Variants in UGP2 observed in about 807,000 individuals in gnomAD.
UGP2 encodes UDP-glucose pyrophosphorylase 2, also known as UTP--glucose-1-phosphate uridylyltransferase.
In UGP2, 40 loss-of-function variants were observed where a neutral mutation model predicts 49.0. That is an observed-to-expected ratio of 0.82 (90% CI 0.63 to 1.06). UGP2 has a LOEUF of 1.06. Ranked by LOEUF, UGP2 falls within the 50% of genes least tolerant of loss-of-function variation. The pLI is 0.00. For synonymous variants in UGP2, 225 were observed against 213.0 expected, an observed-to-expected ratio of 1.06 and a Z score of -0.49; for missense variants, 460 against 603.5, an observed-to-expected ratio of 0.76 and a Z score of 2.49.
At chr2:63,887,693 TATAAAG>T (rs753023463) in intron 8 of UGP2, 49 bp downstream of exon 8, 50 of 1,598,792 alleles carry the variant, frequency 3.1e-5, no homozygotes, top group Non-Finnish European at 3.3e-5. Context: ...AATGTGTAAT[TATAAAG>T]ATATGATATA....
At position 63,842,647 on chromosome 2, in the gene UGP2, T is replaced by A. The variant is rs534905029; in HGVS notation, c.19+443T>A. 20 of 1,411,794 alleles carry A rather than the reference T, an allele frequency of 1.4e-5. No homozygotes were observed. In the African/African-American group the frequency reaches 2.6e-4, roughly 18 times the overall value. 87.5% of individuals were successfully genotyped at this position (1,411,794 alleles called of 1,614,324 possible). A position where few individuals can be genotyped will look rare whatever the true frequency, so the allele number is the denominator to read the frequency against. On this transcript the variant is annotated intron_variant, in intron 1 of 9. Transcript: ENST00000337130. ...GGGAAGCTTTAGTGTTCTCCGCTTC[T>A]ACTTCGTTTGTGTGTACGTGGTTTG...
chr2:63,856,674 G>C, intron 2 of UGP2: 1 of 530,440 alleles, frequency 1.9e-6, no homozygotes, highest in Non-Finnish European at 3.5e-6. Flanking sequence ...AAAATAATCA[G>C]AACCAAATTA....
chr2:63,847,671 G>A (rs1239649444), intron 1 of UGP2, among the ~76,000 whole-genome samples: 1 of 152,172 alleles, frequency 6.6e-6, no homozygotes, highest in Non-Finnish European at 1.5e-5. Flanking sequence ...GGGGTCACAA[G>A]GTGCTCAGTT....
chr2:63,881,601 G>A (rs1039228311), intron 3 of UGP2, among the ~76,000 whole-genome samples: 21 of 152,338 alleles, frequency 1.4e-4, no homozygotes, highest in Middle Eastern at 3.4e-3. Context: ...CTTACTGTAA[G>A]ATGTTTAGAC....
chr2:63,855,520 G>GTTTTTTTTTTTTTTTTTTTTTTCTTTTTT, intron 1 of UGP2: 3 of 192,240 alleles, frequency 1.6e-5, no homozygotes, highest in Non-Finnish European at 2.0e-5. Context: ...TTCTTTTTCT[G>GTTTTTTTTTTTTTTTTTTTTTTCTTTTTT]TTTTTTTTTT....
At chr2:63,852,529 A>G (rs974019700) in intron 1 of UGP2, among the ~76,000 whole-genome samples, 1 of 152,274 alleles carries the variant, frequency 6.6e-6, no homozygotes, top group African/African-American at 2.4e-5. Context: ...TGGATAAGGA[A>G]TTTGTATTTA....
At chr2:63,877,809 A>C (rs886150816) in intron 3 of UGP2, among the ~76,000 whole-genome samples, 101 of 151,426 alleles carry the variant, frequency 6.7e-4, no homozygotes, top group African/African-American at 2.3e-3. Flanking sequence ...CTGGCTAACA[A>C]GGTGAAACCC....
At chr2:63,844,453 T>G (rs1386002226) in intron 1 of UGP2, among the ~76,000 whole-genome samples, 1 of 138,332 alleles carries the variant, frequency 7.2e-6, no homozygotes, top group Non-Finnish European at 1.7e-5. Context: ...TTTCATGGGT[T>G]TTCTCAAGCT....
intron 4 of UGP2, chr2:63,883,212 C>A (rs1306116119): frequency 6.6e-6 from 1 of 152,178 alleles, no homozygotes; most frequent in Non-Finnish European, 1.5e-5. Context: ...TTATTGTCCA[C>A]CAAGTATTAT....
chr2:63,859,457 T>A (rs1669682911), intron 3 of UGP2, among the ~76,000 whole-genome samples: 2 of 152,174 alleles, frequency 1.3e-5, no homozygotes, highest in African/African-American at 4.8e-5. Context: ...AGTGGAGAAA[T>A]CTATCTTTTG....
intron 3 of UGP2, among the ~76,000 whole-genome samples, chr2:63,877,522 C>CT (rs1328142532): frequency 7.2e-5 from 11 of 152,248 alleles, no homozygotes; most frequent in African/African-American, 2.7e-4. Flanking sequence ...TCAGCATGCA[C>CT]TTGTTCCTTC....
At chr2:63,882,432 T>G (rs370985663) in intron 3 of UGP2, 34 bp from the exon 4 acceptor site, 877 of 1,501,802 alleles carry the variant, frequency 5.8e-4, no homozygotes, top group Non-Finnish European at 6.2e-4. Context: ...TTAAAGCTGT[T>G]TAAATTACTC....
At position 63,865,242 on chromosome 2, in the gene UGP2, C is replaced by T. The variant is rs182597539; in HGVS notation, c.255+7306C>T. On this transcript the variant is annotated intron_variant, in intron 3 of 9. Transcript: ENST00000337130. ...CCATACAGTGTTTCCCAAATTTTCCCGTAGAAAATGAGTAGGGTAAATGTA... is the reference window on the plus strand; with the variant it reads ...CCATACAGTGTTTCCCAAATTTTCCTGTAGAAAATGAGTAGGGTAAATGTA... Among the ~76,000 whole-genome samples the T allele has an allele frequency of 2.5e-4, 38 of 152,202 alleles. No individual in the cohort carries two copies. In the South Asian group the frequency reaches 3.7e-3, roughly 15 times the overall value.
intron 3 of UGP2, among the ~76,000 whole-genome samples, chr2:63,872,845 A>G (rs1670650248): frequency 6.6e-6 from 1 of 151,938 alleles, no homozygotes; most frequent in African/African-American, 2.4e-5. Flanking sequence ...TTTAAATGAT[A>G]ACATGTCTAA....
At chr2:63,854,859 A>G (rs1280129129) in intron 1 of UGP2, 1 of 152,270 alleles carries the variant, frequency 6.6e-6, no homozygotes, top group African/African-American at 2.4e-5. Context: ...CTCGAGTTTG[A>G]TCCTGTGTCT....
At chr2:63,886,817 C>T (rs1671707381) in intron 7 of UGP2, among the ~76,000 whole-genome samples, 1 of 152,172 alleles carries the variant, frequency 6.6e-6, no homozygotes, top group East Asian at 1.9e-4. Flanking sequence ...GTTGCTCTGA[C>T]ACTCATAGGT....
At chr2:63,862,040 A>G (rs1669885868) in intron 3 of UGP2, among the ~76,000 whole-genome samples, 1 of 152,084 alleles carries the variant, frequency 6.6e-6, no homozygotes, top group Non-Finnish European at 1.5e-5. Context: ...AAGTTTGCAC[A>G]TTAAAAGAAA....
chr2:63,872,015 A>C (rs1224476290), intron 3 of UGP2, among the ~76,000 whole-genome samples: 1 of 152,268 alleles, frequency 6.6e-6, no homozygotes, highest in African/African-American at 2.4e-5. Context: ...GCATGAAAAT[A>C]GCCGTAGACT....
chr2:63,844,435 C>CT (rs66854892), intron 1 of UGP2, among the ~76,000 whole-genome samples: 5 of 150,220 alleles, frequency 3.3e-5, no homozygotes, highest in Admixed American at 6.6e-5. Context: ...AGGTTTCTAA[C>CT]TTTTTTTTTT....
Sources: gnomAD v4.1 joint callset for allele counts (sites outside exome capture counted in the v4.1 genomes callset) on GRCh38, gnomAD v4.1.1 for gene constraint, MANE v1.5 for transcripts, NCBI Gene and HGNC (gene_info 2026-07-23, HGNC 2026-07-21) for gene names.